The following SPAG17 variants were observed in gnomAD, a reference collection of about 807,000 sequenced individuals.
The protein encoded by SPAG17 is sperm associated antigen 17.
In SPAG17, 169 loss-of-function variants were observed where a neutral mutation model predicts 273.6. The observed-to-expected ratio is 0.62, with a 90% CI of 0.55 to 0.70. The LOEUF (loss-of-function observed/expected upper bound fraction) is 0.70. Among genes scored for constraint, SPAG17 ranks in the 30% least tolerant of loss-of-function variants. The pLI, the probability that SPAG17 is intolerant of heterozygous loss-of-function variation, is 0.00. For synonymous variants in SPAG17, 825 were observed against 873.2 expected, an observed-to-expected ratio of 0.94 and a Z score of 0.97; for missense variants, 2,557 against 2,627.8, an observed-to-expected ratio of 0.97 and a Z score of 0.59.
At chr1:118,108,485 T>A (rs895276300) in intron 4 of SPAG17, among the ~76,000 whole-genome samples, 2 of 152,182 alleles carry the variant, frequency 1.3e-5, no homozygotes, top group African/African-American at 4.8e-5. Flanking sequence ...AGTTAGTTCA[T>A]ACAAACTCTT....
chr1:117,960,338 C>T (rs1249222091), intron 48 of SPAG17: 3 of 152,016 alleles, frequency 2.0e-5, no homozygotes, highest in African/African-American at 2.4e-5. Flanking sequence ...ATATTGTATA[C>T]TGTATTCTTA....
chr1:118,072,502 A>T (rs1653703271), intron 17 of SPAG17, among the ~76,000 whole-genome samples: 1 of 152,172 alleles, frequency 6.6e-6, no homozygotes, highest in Non-Finnish European at 1.5e-5. Flanking sequence ...CAATAAAACT[A>T]ATAGAATATC....
chr1:118,101,353 A>G (rs953454141), intron 5 of SPAG17, among the ~76,000 whole-genome samples: 1 of 152,198 alleles, frequency 6.6e-6, no homozygotes, highest in African/African-American at 2.4e-5. Context: ...TGGGATTTTG[A>G]AGCTGTAGTA....
chr1:118,099,831 A>T (rs1655949415), intron 5 of SPAG17, 31 bp from the exon 6 acceptor site: 2 of 1,597,644 alleles, frequency 1.3e-6, no homozygotes, highest in Non-Finnish European at 1.7e-6. Context: ...AAGAGCAGCC[A>T]TCATTGTAAA....
intron 3 of SPAG17, among the ~76,000 whole-genome samples, chr1:118,138,702 C>T (rs2102316038): frequency 6.6e-6 from 1 of 152,238 alleles, no homozygotes; most frequent in Admixed American, 6.5e-5. Flanking sequence ...CCAGCAATTA[C>T]TACTGAATTA....
chr1:118,016,750 C>A (rs569669154), intron 28 of SPAG17, among the ~76,000 whole-genome samples: 1 of 152,312 alleles, frequency 6.6e-6, no homozygotes, highest in East Asian at 1.9e-4. Flanking sequence ...TTAATTAGTA[C>A]ATCAACAATT....
intron 48 of SPAG17, among the ~76,000 whole-genome samples, chr1:117,957,537 A>C (rs1310548364): frequency 6.6e-6 from 1 of 152,238 alleles, no homozygotes; most frequent in African/African-American, 2.4e-5. Context: ...AGTTTGCCAA[A>C]AGCCAATTAT....
intron 3 of SPAG17, among the ~76,000 whole-genome samples, chr1:118,141,560 AATG>A (rs1217347722): frequency 6.6e-6 from 1 of 152,230 alleles, no homozygotes; most frequent in Non-Finnish European, 1.5e-5. Flanking sequence ...CTTTTTAATG[AATG>A]AGAACTCCCT....
At chr1:117,998,895 A>G (rs1480990423) in intron 32 of SPAG17, among the ~76,000 whole-genome samples, 1 of 152,132 alleles carries the variant, frequency 6.6e-6, no homozygotes, top group Non-Finnish European at 1.5e-5. Context: ...GGCTTGATAC[A>G]TAGGTATACA....
At chr1:118,155,659 C>T (rs574940823) in intron 1 of SPAG17, among the ~76,000 whole-genome samples, 2 of 152,274 alleles carry the variant, frequency 1.3e-5, no homozygotes, top group East Asian at 1.9e-4. Context: ...TAGGAGAAGA[C>T]GTACAAATGC....
chr1:118,164,057 A>T (rs1383305108), intron 1 of SPAG17, among the ~76,000 whole-genome samples: 2 of 152,096 alleles, frequency 1.3e-5, no homozygotes, highest in African/African-American at 4.8e-5. Context: ...TTCTCTGACC[A>T]TCAGGCTCTT....
chr1:118,037,010 T>A, intron 23 of SPAG17, 127 bp from the exon 24 acceptor site: 2 of 668,112 alleles, frequency 3.0e-6, no homozygotes, highest in Non-Finnish European at 5.1e-6. Context: ...AAATAATTGG[T>A]TTAGCTTGAC....
chr1:118,174,734 T>C (rs772754169), intron 1 of SPAG17, among the ~76,000 whole-genome samples: 17 of 152,190 alleles, frequency 1.1e-4, no homozygotes, highest in Non-Finnish European at 2.2e-4. Context: ...TGACCCTTTA[T>C]GTATAAGGGA....
rs374223267 is a variant in SPAG17 at position 117,983,055 on chromosome 1, C to T, written c.5872+756G>A. On this transcript the variant is annotated intron_variant, in intron 42 of 48. Transcript: ENST00000336338. ...AAGACATATCCAAGACTGGGCATGTCTACAGGAAAAAGGTTTAATGGACTC... is the reference window on the plus strand; with the variant it reads ...AAGACATATCCAAGACTGGGCATGTTTACAGGAAAAAGGTTTAATGGACTC... Among the ~76,000 whole-genome samples, 15 of 152,178 alleles carry T rather than the reference C, an allele frequency of 9.9e-5. No homozygotes were observed. In the South Asian group the frequency reaches 2.9e-3, roughly 29 times the overall value.
chr1:118,145,982 G>A (rs1053778014), intron 3 of SPAG17, among the ~76,000 whole-genome samples: 2 of 152,110 alleles, frequency 1.3e-5, no homozygotes, highest in Admixed American at 1.3e-4. Context: ...CATTTGTGTG[G>A]ATGAAGGCTC....
intron 3 of SPAG17, among the ~76,000 whole-genome samples, chr1:118,145,675 T>G (rs1481972585): frequency 6.6e-6 from 1 of 152,058 alleles, no homozygotes; most frequent in Non-Finnish European, 1.5e-5. Context: ...ATTTTAAAAA[T>G]TATTTTCTTA....
At chr1:118,030,174 T>G (rs1037802171) in intron 25 of SPAG17, among the ~76,000 whole-genome samples, 9 of 152,284 alleles carry the variant, frequency 5.9e-5, no homozygotes, top group Admixed American at 5.9e-4. Context: ...TCAAGGGGCC[T>G]GGCATGAGAA....
chr1:118,046,855 G>T (rs1557952837), intron 20 of SPAG17, among the ~76,000 whole-genome samples: 1 of 152,158 alleles, frequency 6.6e-6, no homozygotes, highest in Non-Finnish European at 1.5e-5. Flanking sequence ...AAAATGTAAA[G>T]AGGAAAATAA....
chr1:118,096,559 G>A (rs1056107176), intron 7 of SPAG17, among the ~76,000 whole-genome samples: 1 of 152,022 alleles, frequency 6.6e-6, no homozygotes, highest in African/African-American at 2.4e-5. Context: ...TTGGGATAAG[G>A]GTCAACTAGA....
Sources: allele counts gnomAD v4.1 joint callset (sites outside exome capture counted in the v4.1 genomes callset), GRCh38; gene constraint gnomAD v4.1.1; transcripts MANE v1.5; gene names NCBI Gene and HGNC (gene_info 2026-07-23, HGNC 2026-07-21).